Variants in RAG2 observed in about 807,000 individuals in gnomAD.
The protein encoded by RAG2 is V(D)J recombination-activating protein 2.
In RAG2, 16 loss-of-function variants were observed where a neutral mutation model predicts 31.8. The ratio of observed to expected loss-of-function variants is 0.50; its 90% confidence interval spans 0.34 to 0.76. RAG2 has a LOEUF of 0.76. RAG2 is among the 30% of genes least tolerant of loss of function. RAG2 has a pLI of 0.01. For missense variants in RAG2, 622 were observed against 628.5 expected (o/e 0.99, Z 0.11); for synonymous variants, 199 against 215.9 (o/e 0.92, Z 0.68).
intron 1 of RAG2, chr11:36,594,866 C>A (rs1851143104): frequency 6.6e-6 from 1 of 152,486 alleles, no homozygotes; most frequent in African/African-American, 2.4e-5. Flanking sequence ...TCCTGCCTGT[C>A]TGGATGCTTA....
At chr11:36,594,344 A>G in intron 1 of RAG2, 149 bp from the exon 2 acceptor site, 1 of 638,182 alleles carries the variant, frequency 1.6e-6, no homozygotes. Context: ...TTAGGTCAGT[A>G]AAGAGCCACA....
At chr11:36,596,494 A>G (rs1465418031) in intron 1 of RAG2, among the ~76,000 whole-genome samples, 1 of 152,194 alleles carries the variant, frequency 6.6e-6, no homozygotes, top group Non-Finnish European at 1.5e-5. Context: ...TATTTATATC[A>G]TGGCCTACCC....
chr11:36,592,846 G>A lies in RAG2; in HGVS notation c.1323C>T (p.Pro441=), dbSNP rs370624669. 2.6e-5 allele frequency: 42 copies of A among 1,613,984 alleles called. No individual in the cohort carries two copies. The highest frequency in any genetic ancestry group is 3.1e-5 in the Non-Finnish European group (36 of 1,180,024). The change falls in exon 2 of 2, where the codon CCC becomes CCT. Residue 441 remains proline (P), a synonymous_variant. Coordinates refer to ENST00000311485, the MANE Select transcript of RAG2 (RefSeq NM_000536.4). The part of the protein sequence containing the change: ...VPFYSTELNK[P]AMIYCSHGDG... Reference sequence around the variant, plus strand: ...CCCCATGAGAGCAGTAGATCATGGCGGGTTTGTTGAGCTCAGTTGAATAGA... The same window carrying A: ...CCCCATGAGAGCAGTAGATCATGGCAGGTTTGTTGAGCTCAGTTGAATAGA...
At position 36,593,311 on chromosome 11, in the gene RAG2, G is replaced by T; in HGVS notation, c.858C>A (p.Ile286=). Residue 286 remains isoleucine (I), a synonymous_variant, in exon 2 of 2, where the codon ATC becomes ATA. Coordinates refer to ENST00000311485, the MANE Select transcript of RAG2 (RefSeq NM_000536.4). ...GYQLENQKRM[I]CNIISLEDNK... is the part of the protein sequence containing the mutation. Reference sequence around the variant, plus strand: ...TGTCCTCTAAAGAGATGATGTTGCAGATCATTCTTTTTTGATTTTCAAGCT... The same window carrying T: ...TGTCCTCTAAAGAGATGATGTTGCATATCATTCTTTTTTGATTTTCAAGCT... The T allele has an allele frequency of 6.2e-7, 1 of 1,614,086 alleles. No homozygotes were observed. Among genetic ancestry groups the T allele is most frequent in the South Asian group, 1.1e-5 (1 of 91,074 alleles).
At position 36,592,886 on chromosome 11, in the gene RAG2, T is replaced by A. The variant is rs1370991739; in HGVS notation, c.1283A>T (p.Asn428Ile). Reference protein sequence around the residue: ...TCCPTCDVDINTWVPFYSTEL... With the variant: ...TCCPTCDVDIITWVPFYSTEL... ...AGTTGAATAGAATGGTACCCAAGTG[T>A]TGATATCCACATCACAAGTAGGGCA... Residue 428 changes from asparagine to isoleucine, a missense_variant, in exon 2 of 2, where the codon AAC becomes ATC. By Grantham distance (149) the Asn-to-Ile change is moderately radical. Coordinates refer to ENST00000311485, the MANE Select transcript of RAG2 (RefSeq NM_000536.4). 6.2e-6 allele frequency: 10 copies of A among 1,614,152 alleles called. No individual in the cohort carries two copies. Among genetic ancestry groups the A allele is most frequent in the Non-Finnish European group, 8.5e-6 (10 of 1,180,024 alleles).
chr11:36,592,698 G>A lies in RAG2; in HGVS notation c.1471C>T (p.Pro491Ser), dbSNP rs1228460114. 6.2e-7 allele frequency: 1 copy of A among 1,614,084 alleles called. No homozygotes were observed. The highest frequency in any genetic ancestry group is 8.5e-7 in the Non-Finnish European group (1 of 1,180,012). Residue 491 changes from proline to serine, a missense_variant, in exon 2 of 2, where the codon CCC becomes TCC. Pro to Ser is a moderately conservative substitution (Grantham distance 74). Transcript: ENST00000311485. ...HVEIARALHT[P>S]QRVLPLKKPP... The stretch of plus-strand genomic sequence containing the variant: ...TTTTTTAAGGGTAGGACTCTTTGGG[G>A]AGTGTGTAGAGCTCTTGCTATCTCC...
In RAG2 at chr11:36,594,157, C is replaced by A; in HGVS notation, c.12G>T (p.Gln4His). MSL[Q>H]MVTVSNNIAL... is the part of the protein sequence containing the mutation. Reference sequence around the variant, plus strand: ...CTATGTTATTACTGACTGTTACCATCTGCAGAGACATAGTTTCTGATGGTA... The same window carrying A: ...CTATGTTATTACTGACTGTTACCATATGCAGAGACATAGTTTCTGATGGTA... The change falls in exon 2 of 2, where the codon CAG becomes CAT. Residue 4 changes from glutamine to histidine, a missense_variant. Physicochemically the swap from Gln to His is conservative, Grantham distance 24. Transcript: ENST00000311485. The A allele has an allele frequency of 6.2e-7, 1 of 1,609,538 alleles. No individual in the cohort carries two copies. The highest frequency in any genetic ancestry group is 1.1e-5 in the South Asian group (1 of 90,998).
At chr11:36,594,374 A>G in intron 1 of RAG2, 179 bp from the exon 2 acceptor site, 1 of 604,778 alleles carries the variant, frequency 1.7e-6, no homozygotes, top group Non-Finnish European at 2.9e-6. Context: ...CTGCCATTCC[A>G]TCCAAGGAGC....
rs75533805 is a variant in RAG2, at chr11:36,597,917, C to A, written c.-28+185G>T. On this transcript the variant is annotated intron_variant, in intron 1 of 1. Coordinates refer to ENST00000311485, the MANE Select transcript of RAG2 (RefSeq NM_000536.4). ...TGCTCTAAAGGCCTAATAATTAAAT[C>A]CCTGAAGCAGCCAGAGAACAGAAAG... 0.012 allele frequency among the ~76,000 whole-genome samples: 1,824 copies of A among 152,138 alleles called. 21 individuals carry two copies. The highest frequency in any genetic ancestry group is 0.032 in the East Asian group (162 of 5,138).
At chr11:36,596,789 A>C (rs1851283291) in intron 1 of RAG2, among the ~76,000 whole-genome samples, 1 of 152,186 alleles carries the variant, frequency 6.6e-6, no homozygotes, top group African/African-American at 2.4e-5. Context: ...TTTTAAAGCA[A>C]TGTTTTTATT....
At chr11:36,596,211 G>GTT (rs1243664769) in intron 1 of RAG2, among the ~76,000 whole-genome samples, 3,838 of 99,046 alleles carry the variant, frequency 0.039, 158 homozygotes, top group African/African-American at 0.051. Flanking sequence ...AGATGGTAGT[G>GTT]TTTTTTTTTT....
chr11:36,598,147 T>G lies in RAG2; in HGVS notation c.-73A>C, dbSNP rs952798055. 1 of 152,130 alleles carries G rather than the reference T, an allele frequency of 6.6e-6. No individual in the cohort carries two copies. The highest frequency in any genetic ancestry group is 1.5e-5 in the Non-Finnish European group (1 of 68,036). The allele number at this position is 152,130 out of a possible 1,614,324, so 9.4% of individuals were successfully genotyped here. A position where few individuals can be genotyped will look rare whatever the true frequency, so the allele number is the denominator to read the frequency against. On this transcript the variant is annotated 5_prime_UTR_variant, in exon 1 of 2. Transcript: ENST00000311485. ...TCACGCCTCTCTGAATCTTTGCCGC[T>G]AAACCAGGTATTAATTGTCAGCACT...
intron 1 of RAG2, among the ~76,000 whole-genome samples, 159 bp downstream of exon 1, chr11:36,597,943 C>T (rs373459658): frequency 2.2e-4 from 34 of 152,048 alleles, no homozygotes; most frequent in African/African-American, 7.0e-4. Flanking sequence ...GAACAGAAAG[C>T]CCCACATTTT....
At position 36,594,171 on chromosome 11, in the gene RAG2, T is replaced by C. The variant is rs1851110154; in HGVS notation, c.-3A>G. The C allele has an allele frequency of 1.3e-6, 2 of 1,591,250 alleles. No homozygotes were observed. The highest frequency in any genetic ancestry group is 8.6e-7 in the Non-Finnish European group (1 of 1,159,410). On this transcript the variant is annotated 5_prime_UTR_variant, in exon 2 of 2. Transcript: ENST00000311485. ...ACTGTTACCATCTGCAGAGACATAG[T>C]TTCTGATGGTACGTAGATTTTTGTC...
intron 1 of RAG2, among the ~76,000 whole-genome samples, chr11:36,596,535 C>G (rs1851265997): frequency 6.6e-6 from 1 of 152,178 alleles, no homozygotes; most frequent in Non-Finnish European, 1.5e-5. Flanking sequence ...ATCTGAGCAA[C>G]TATGAAAAAT....
At position 36,592,442 on chromosome 11, in the gene RAG2, T is replaced by G. The variant is rs1342066790; in HGVS notation, c.*143A>C. The G allele has an allele frequency of 7.3e-6, 8 of 1,099,724 alleles. No homozygotes were observed. Among genetic ancestry groups the G allele is most frequent in the Non-Finnish European group, 1.0e-5 (8 of 785,266 alleles). The allele number at this position is 1,099,724 out of a possible 1,614,324, so 68.1% of individuals were successfully genotyped here. The stretch of plus-strand genomic sequence containing the variant: ...TTATTTATCATTGCATTATAAACAC[T>G]TTTTTCTGGCCCTTAATTCATGTAA... On this transcript the variant is annotated 3_prime_UTR_variant, in exon 2 of 2. Transcript: ENST00000311485.
In RAG2 at chr11:36,593,233, C is replaced by T. The variant is rs1251019431; in HGVS notation, c.936G>A (p.Lys312=). ...TGCTTCCAAACCATATCTTGCTGTG[C>T]TTAATGTCTGGGGTCCAATCTGGGG... is the stretch of plus-strand genomic sequence containing the variant. ...METPDWTPDI[K]HSKIWFGSNM... is the part of the protein sequence containing the mutation. The change falls in exon 2 of 2, where the codon AAG becomes AAA. Residue 312 remains lysine, a synonymous_variant. Coordinates refer to ENST00000311485, the MANE Select transcript of RAG2 (RefSeq NM_000536.4). The T allele has an allele frequency of 6.2e-7, 1 of 1,614,190 alleles. No homozygotes were observed. The highest frequency in any genetic ancestry group is 1.1e-5 in the South Asian group (1 of 91,082).
chr11:36,591,840 A>G (rs1404125386), downstream of RAG2: 1 of 152,178 alleles, frequency 6.6e-6, no homozygotes, highest in Non-Finnish European at 1.5e-5. Context: ...ACAAATAATT[A>G]GTTCAAATGA....
downstream of RAG2, among the ~76,000 whole-genome samples, chr11:36,591,543 T>C (rs1341789374): frequency 6.6e-6 from 1 of 151,782 alleles, no homozygotes; most frequent in African/African-American, 2.4e-5. Flanking sequence ...TAATTAGACC[T>C]TGGCAAGATC....
Sources: allele counts gnomAD v4.1 joint callset (sites outside exome capture counted in the v4.1 genomes callset), GRCh38; gene constraint gnomAD v4.1.1; transcripts MANE v1.5; gene names NCBI Gene and HGNC (gene_info 2026-07-23, HGNC 2026-07-21).